Variants in ITGA7 observed in about 807,000 individuals in gnomAD.
The protein encoded by ITGA7 is integrin alpha-7.
Under a neutral mutation model 131.6 loss-of-function variants are expected in ITGA7, and 84 were observed. That is an observed-to-expected ratio of 0.64 (90% CI 0.54 to 0.77). The LOEUF (loss-of-function observed/expected upper bound fraction) is 0.77. Among genes scored for constraint, ITGA7 ranks in the 30% least tolerant of loss-of-function variants. The pLI, the probability that ITGA7 is intolerant of heterozygous loss-of-function variation, is 0.00. For missense variants in ITGA7, 1,399 were observed against 1,482.9 expected, an observed-to-expected ratio of 0.94 and a Z score of 0.93; for synonymous variants, 548 against 600.7, an observed-to-expected ratio of 0.91 and a Z score of 1.28.
At chr12:55,700,335 G>A (rs761952909) in intron 4 of ITGA7, 72 of 1,610,532 alleles carry the variant, frequency 4.5e-5, no homozygotes, top group Admixed American at 2.3e-4. Context: ...CGTAGGGACC[G>A]TCGTCCAGGT....
chr12:55,711,150 AG>A (rs1449434740), upstream of ITGA7, among the ~76,000 whole-genome samples: 1 of 152,254 alleles, frequency 6.6e-6, no homozygotes, highest in South Asian at 2.1e-4. Context: ...AAGGTACACA[AG>A]ACTTCATGTG....
In ITGA7 at chr12:55,694,192, C is replaced by T. The variant is rs1872103864; in HGVS notation, c.2432+64G>A. 6.2e-7 allele frequency: 1 copy of T among 1,612,436 alleles called. No homozygotes were observed. The highest frequency in any genetic ancestry group is 1.3e-5 in the African/African-American group (1 of 74,918). ...TGGCTCAATGAAGGCAGGGCCCTGG[C>T]CAAGGTTTGGAAATGTCAATGCCCC... On this transcript the variant is annotated intron_variant, in intron 18 of 24. Transcript: ENST00000257879. The surrounding 1 kb of genome is among the most constrained non-coding windows in gnomAD (Gnocchi z 5.3).
At chr12:55,695,699 C>T in intron 13 of ITGA7, 62 bp from the exon 14 acceptor site, 1 of 1,105,504 alleles carries the variant, frequency 9.0e-7, no homozygotes, top group Non-Finnish European at 1.4e-6. Context: ...AAACCTGTCA[C>T]CATGGCATAT....
chr12:55,690,416 A>T (rs1375856568), intron 21 of ITGA7, among the ~76,000 whole-genome samples: 3 of 147,804 alleles, frequency 2.0e-5, no homozygotes, highest in Admixed American at 6.8e-5. Flanking sequence ...TCAAAACCAC[A>T]ATGAGATATC....
intron 24 of ITGA7, chr12:55,686,317 A>G (rs1308297348): frequency 2.3e-6 from 3 of 1,326,530 alleles, no homozygotes; most frequent in Non-Finnish European, 3.0e-6. Flanking sequence ...AAGCCACACT[A>G]GGATGTCGAG....
intron 7 of ITGA7, 74 bp from the exon 8 acceptor site, chr12:55,698,100 C>CA: frequency 7.6e-7 from 1 of 1,323,432 alleles, no homozygotes; most frequent in South Asian, 1.2e-5. Context: ...CAACTCCCCC[C>CA]AGTCACTCAG....
chr12:55,691,641 A>G (rs963838391), intron 21 of ITGA7, among the ~76,000 whole-genome samples: 2 of 152,240 alleles, frequency 1.3e-5, no homozygotes, highest in Non-Finnish European at 1.5e-5. Context: ...GAAAACAAAA[A>G]GAATCTATTT....
rs747859435 is a variant in ITGA7, at chr12:55,697,979, A to G, written c.1240T>C (p.Tyr414His). ...ACAACCCCCAGGCTGCTCCCATGGT[A>G]GATGAAGACTTTCCCATCACCATCA... is the stretch of plus-strand genomic sequence containing the variant. ...PFDGDGKVFI[Y>H]HGSSLGVVAK... The change falls in exon 8 of 25, where the codon TAC becomes CAC. Residue 414 changes from tyrosine (Y) to histidine (H), a missense_variant. Coordinates refer to ENST00000257879, the MANE Select transcript of ITGA7 (RefSeq NM_002206.3). 3.9e-5 allele frequency: 63 copies of G among 1,614,062 alleles called. No individual in the cohort carries two copies. Among genetic ancestry groups the G allele is most frequent in the Non-Finnish European group, 5.3e-5 (62 of 1,180,052 alleles).
chr12:55,698,525 C>A lies in ITGA7; in HGVS notation c.1050G>T (p.Glu350Asp), dbSNP rs759656475. The stretch of plus-strand genomic sequence containing the variant: ...AGTACACATACACAGCACCCCCCAG[C>A]TCTTCTTGGCGCTCAAAGAAGTAGG... ...GAPYFFERQE[E>D]LGGAVYVYLN... The change falls in exon 7 of 25, where the codon GAG (glutamate) becomes GAT (aspartate). Residue 350 changes from glutamate (E) to aspartate (D), a missense_variant. Transcript: ENST00000257879. 10 of 1,613,940 alleles carry A rather than the reference C, an allele frequency of 6.2e-6. No individual in the cohort carries two copies. Among genetic ancestry groups the A allele is most frequent in the African/African-American group, 2.7e-5 (2 of 74,872 alleles).
At chr12:55,688,998 A>C in intron 21 of ITGA7, 41 bp from the exon 22 acceptor site, 5 of 1,487,372 alleles carry the variant, frequency 3.4e-6, no homozygotes, top group Non-Finnish European at 4.7e-6. Flanking sequence ...CACTCAGCTC[A>C]ACCCTGCTGA....
At chr12:55,712,002 C>T (rs1166414179), upstream of ITGA7, 2 of 1,343,302 alleles carry the variant, frequency 1.5e-6, no homozygotes, top group African/African-American at 1.5e-5. Flanking sequence ...GAGCTTATGT[C>T]CCAAGGTCAG....
chr12:55,699,873 AGTAGCTATTGAG>A lies in ITGA7; in HGVS notation c.775_786del (p.Asn260_Leu263del). The A allele has an allele frequency of 6.2e-7, 1 of 1,605,746 alleles. No homozygotes were observed. Among genetic ancestry groups the A allele is most frequent in the Non-Finnish European group, 8.5e-7 (1 of 1,176,676 alleles). On this transcript the variant is annotated inframe_deletion, in exon 5 of 25. Transcript: ENST00000257879. ...CAGGAGGTGGGAGCTTACAAACCTA[AGTAGCTATTGAG>A]GGCCAAGTCTCCGGCTGGTCCTGGG...
chr12:55,700,951 G>A lies in ITGA7; in HGVS notation c.618C>T (p.Ser206=), dbSNP rs1372879868. ...CAAAGAGGAGGTAGTGGCTATCAGGGGAGAAGGCGGCAGCTGTGCCCTGCT... is the reference window on the plus strand; with the variant it reads ...CAAAGAGGAGGTAGTGGCTATCAGGAGAGAAGGCGGCAGCTGTGCCCTGCT... ...FCQQGTAAAF[S]PDSHYLLFGA... is the part of the protein sequence containing the mutation. The change falls in exon 4 of 25, where the codon TCC becomes TCT. Residue 206 remains serine, a synonymous_variant. Transcript: ENST00000257879. 6.2e-7 allele frequency: 1 copy of A among 1,614,228 alleles called. No homozygotes were observed. The highest frequency in any genetic ancestry group is 8.5e-7 in the Non-Finnish European group (1 of 1,180,026).
Position 55,694,275 on chromosome 12 carries a change from G to A in ITGA7, c.2413C>T (p.Leu805=). 1 of 1,614,120 alleles carries A rather than the reference G, an allele frequency of 6.2e-7. No individual in the cohort carries two copies. Among genetic ancestry groups the A allele is most frequent in the African/African-American group, 1.3e-5 (1 of 75,080 alleles). ...GCTCACCCTGCAATGGACAGTGGCA[G>A]CTCAATGAAGACACGGGCTCGTGCA... ...VSARARVFIE[L]PLSIAGMAIP... Residue 805 remains leucine, a synonymous_variant, in exon 18 of 25, where the codon CTG becomes TTG. Coordinates refer to ENST00000257879, the MANE Select transcript of ITGA7 (RefSeq NM_002206.3). This position sits in a 1 kb window ranked among gnomAD's most constrained non-coding sequence, Gnocchi z 5.3.
rs908550174 is a variant in ITGA7, at chr12:55,687,819, G to T, written c.3183+152C>A. On this transcript the variant is annotated intron_variant, in intron 24 of 24. Coordinates refer to ENST00000257879, the MANE Select transcript of ITGA7 (RefSeq NM_002206.3). The stretch of plus-strand genomic sequence containing the variant: ...TCTGATTTATCTTTGAAACATCCAG[G>T]GACTAATAGAGTTCCTGAGACATGC... The T allele has an allele frequency of 1.1e-5, 12 of 1,056,716 alleles. No homozygotes were observed. The African/African-American group carries it at 1.9e-4, about 17-fold the overall frequency. 65.5% of individuals were successfully genotyped at this position (1,056,716 alleles called of 1,614,324 possible).
Position 55,707,897 on chromosome 12 carries a change from G to A in ITGA7, c.-215C>T, listed in dbSNP as rs1431265641. On this transcript the variant is annotated 5_prime_UTR_variant, in exon 1 of 25. Coordinates refer to ENST00000257879, the MANE Select transcript of ITGA7 (RefSeq NM_002206.3). ...GACAACTACAGCAGCCGCAGCTCCGGCGCCCACTCCGGCTCCCGCCTCCTC... is the reference window on the plus strand; with the variant it reads ...GACAACTACAGCAGCCGCAGCTCCGACGCCCACTCCGGCTCCCGCCTCCTC... 2.8e-6 allele frequency: 4 copies of A among 1,408,812 alleles called. No homozygotes were observed. The African/African-American group carries it at 6.0e-5, about 21-fold the overall frequency. 87.3% of individuals were successfully genotyped at this position (1,408,812 alleles called of 1,614,324 possible).
Position 55,693,066 on chromosome 12 carries a change from A to G in ITGA7, c.2712+75T>C, listed in dbSNP as rs2135988814. The G allele has an allele frequency of 1.9e-6, 3 of 1,611,004 alleles. No individual in the cohort carries two copies. The South Asian group carries it at 3.3e-5, about 18-fold the overall frequency. On this transcript the variant is annotated intron_variant, in intron 20 of 24. Transcript: ENST00000257879. ...CTCCCCACCGCCTTCCTCCTGCCCC[A>G]TCACTGCACTCACTACCCTTACTCC...
At chr12:55,697,314 C>T in intron 10 of ITGA7, 37 bp from the exon 11 acceptor site, 1 of 1,585,724 alleles carries the variant, frequency 6.3e-7, no homozygotes, top group Non-Finnish European at 8.6e-7. Context: ...CCAAACGAGG[C>T]TGATGGGCCA....
In ITGA7 at chr12:55,698,461, G is replaced by A. The variant is rs752464052; in HGVS notation, c.1114C>T (p.Arg372Trp). 21 of 1,613,750 alleles carry A rather than the reference G, an allele frequency of 1.3e-5. No individual in the cohort carries two copies. Among genetic ancestry groups the A allele is most frequent in the East Asian group, 6.7e-5 (3 of 44,848 alleles). ...ATGGAGTCAGGGGAGCCGCAGAGCC[G>A]GAGAGGGGAGATCCCAGCCCAGTGA... ...GGHWAGISPL[R>W]LCGSPDSMFG... Residue 372 changes from arginine to tryptophan, a missense_variant, in exon 7 of 25, where the codon CGG becomes TGG. Arg to Trp is a moderately radical substitution (Grantham distance 101). Coordinates refer to ENST00000257879, the MANE Select transcript of ITGA7 (RefSeq NM_002206.3).
Sources: gnomAD v4.1 joint callset for allele counts (sites outside exome capture counted in the v4.1 genomes callset) on GRCh38, gnomAD v4.1.1 for gene constraint, Gnocchi (gnomAD v3.1) non-coding constraint, MANE v1.5 for transcripts, NCBI Gene and HGNC (gene_info 2026-07-23, HGNC 2026-07-21) for gene names.